TRAF7: variants seen among roughly 807,000 people sequenced by gnomAD.
TRAF7 encodes E3 ubiquitin-protein ligase TRAF7.
TRAF7 carries 45 observed loss-of-function variants against 89.3 expected under a neutral mutation model. The observed-to-expected ratio is 0.50, with a 90% CI of 0.40 to 0.65. TRAF7 has a LOEUF of 0.65. Among genes scored for constraint, TRAF7 ranks in the 30% least tolerant of loss-of-function variants. TRAF7 has a pLI of 0.00. For missense variants in TRAF7, 677 were observed against 918.1 expected (o/e 0.74, Z 3.39); for synonymous variants, 406 against 369.2 (o/e 1.10, Z -1.14).
At position 2,165,611 on chromosome 16, in the gene TRAF7, T is replaced by C. The variant is rs9929830; in HGVS notation, c.82-268T>C. Among the ~76,000 whole-genome samples the C allele has an allele frequency of 6.6e-3, 416 of 63,386 alleles. 2 individuals are homozygous for C. The highest frequency in any genetic ancestry group is 0.029 in the Middle Eastern group (2 of 70). The allele number at this position is 63,386 out of a possible 152,430, so 41.6% of individuals were successfully genotyped here. On this transcript the variant is annotated intron_variant, in intron 2 of 20. Transcript: ENST00000326181. ...CGCATGGTTAAGCGTGTGAGTGCTG[T>C]GTGGCGCAGCCTGGTCGCATGGTTA...
At chr16:2,176,532 TC>T (rs1567254452) in intron 20 of TRAF7, 27 bp from the exon 21 acceptor site, 1 of 1,613,092 alleles carries the variant, frequency 6.2e-7, no homozygotes, top group South Asian at 1.1e-5. Flanking sequence ...CCGCAGGACA[TC>T]CTGGTGAAGC....
chr16:2,172,193 A>C lies in TRAF7; in HGVS notation c.478A>C (p.Lys160Gln). The C allele has an allele frequency of 1.2e-6, 2 of 1,612,980 alleles. No individual in the cohort carries two copies. The highest frequency in any genetic ancestry group is 1.7e-6 in the Non-Finnish European group (2 of 1,179,940). Reference sequence around the variant, plus strand: ...GTCAGCACGCCCTCCTCTCCCAGAGAAGTGTCCCGTGGACAACGTCAAACT... The same window carrying C: ...GTCAGCACGCCCTCCTCTCCCAGAGCAGTGTCCCGTGGACAACGTCAAACT... ...FCRRCALKSE[K>Q]CPVDNVKLTV... is the part of the protein sequence containing the mutation. Residue 160 changes from lysine (K) to glutamine (Q), a missense_variant and splice_region_variant, in exon 8 of 21, where the codon AAG (lysine) becomes CAG (glutamine). Coordinates refer to ENST00000326181, the MANE Select transcript of TRAF7 (RefSeq NM_032271.3).
chr16:2,175,158 G>A lies in TRAF7; in HGVS notation c.1386+8G>A, dbSNP rs763207866. 2 of 1,613,644 alleles carry A rather than the reference G, an allele frequency of 1.2e-6. No homozygotes were observed. The highest frequency in any genetic ancestry group is 2.2e-5 in the South Asian group (2 of 91,080). On this transcript the variant is annotated splice_region_variant and intron_variant, in intron 15 of 20. Transcript: ENST00000326181. ...GCAGACTGCACCATCATTGTGAGTG[G>A]GGCCTACAGGCGGGTGGGCAGGAGG...
At chr16:2,164,445 T>A (rs2093073670) in intron 2 of TRAF7, among the ~76,000 whole-genome samples, 1 of 138,268 alleles carries the variant, frequency 7.2e-6, no homozygotes, top group Non-Finnish European at 1.6e-5. Context: ...GGTCGCATGG[T>A]TAAGCGTGTT....
rs2141299318 is a variant in TRAF7 at position 2,176,359 on chromosome 16, CAG to C, written c.1974_1975del (p.Ala660CysfsTer3). On this transcript the variant is annotated frameshift_variant, in exon 20 of 21. Transcript: ENST00000326181. LOFTEE classifies it high-confidence loss of function. ...GCTGTGTCCCGGGGCCGACTCTTCT[CAG>C]GGGCTGTGGATAGCACTGTGAAGGT... 1 of 1,606,800 alleles carries C rather than the reference CAG, an allele frequency of 6.2e-7. No homozygotes were observed.
chr16:2,170,066 C>T (rs942080865), intron 4 of TRAF7, among the ~76,000 whole-genome samples: 3 of 152,192 alleles, frequency 2.0e-5, no homozygotes, highest in African/African-American at 2.4e-5. Flanking sequence ...CTCCTGCCCT[C>T]GGGAAGCTCA....
intron 6 of TRAF7, 64 bp downstream of exon 6, chr16:2,171,420 C>G: frequency 6.5e-7 from 1 of 1,531,748 alleles, no homozygotes; most frequent in Non-Finnish European, 8.8e-7. Context: ...CCAGGGCTCT[C>G]GGGGGCCGGG....
chr16:2,160,851 G>T (rs973116251), intron 1 of TRAF7, among the ~76,000 whole-genome samples: 1 of 152,030 alleles, frequency 6.6e-6, no homozygotes, highest in Admixed American at 6.5e-5. Context: ...CTCTCCCTCT[G>T]GGGGGCCAGG....
chr16:2,171,685 C>A lies in TRAF7; in HGVS notation c.475+80C>A, dbSNP rs763836998. 78 of 1,601,832 alleles carry A rather than the reference C, an allele frequency of 4.9e-5. 1 individual carries two copies. The highest frequency in any genetic ancestry group is 5.9e-5 in the Non-Finnish European group (69 of 1,171,862). On this transcript the variant is annotated intron_variant, in intron 7 of 20. Transcript: ENST00000326181. The stretch of plus-strand genomic sequence containing the variant: ...CAGAGGCGGGCGGCTTCTCCCTTGT[C>A]CCCTGCACAGCGTCCGGCCCTGTTT...
chr16:2,174,613 TA>T (rs1174701512), intron 14 of TRAF7, among the ~76,000 whole-genome samples: 5 of 151,974 alleles, frequency 3.3e-5, no homozygotes, highest in East Asian at 1.9e-4. Flanking sequence ...AACCAGAAGA[TA>T]GGGGGGACCT....
intron 3 of TRAF7, 145 bp from the exon 4 acceptor site, chr16:2,167,932 C>T (rs1183242092): frequency 1.5e-6 from 1 of 671,146 alleles, no homozygotes; most frequent in East Asian, 2.7e-5. Context: ...CCCGTGCCAT[C>T]CCTGCATGCT....
Position 2,171,263 on chromosome 16 carries a change from G to A in TRAF7, c.349-1G>A. On this transcript the variant is annotated splice_acceptor_variant, in intron 5 of 20. Transcript: ENST00000326181. LOFTEE classifies it high-confidence loss of function. ...CGCCTGCCTTTCCCGCTTGGTTCCA[G>A]GAGCCACTGGTGTTTGCGGAGCAGC... The A allele has an allele frequency of 1.9e-6, 3 of 1,546,014 alleles. No homozygotes were observed. The highest frequency in any genetic ancestry group is 2.6e-6 in the Non-Finnish European group (3 of 1,145,986).
At chr16:2,174,168 G>A in intron 13 of TRAF7, 83 bp from the exon 14 acceptor site, 1 of 1,594,496 alleles carries the variant, frequency 6.3e-7, no homozygotes, top group Non-Finnish European at 8.6e-7. Context: ...CCATGGGCGG[G>A]GCTCCCTCAC....
intron 17 of TRAF7, 99 bp from the exon 18 acceptor site, chr16:2,175,735 G>T: frequency 3.8e-6 from 6 of 1,589,132 alleles, no homozygotes; most frequent in South Asian, 1.1e-5. Context: ...CCCCTGGCTG[G>T]GTGGGTGGGC....
rs1273911882 is a variant in TRAF7, at chr16:2,162,206, TG to T, written c.-38-1675del. Among the ~76,000 whole-genome samples, 1 of 152,032 alleles carries T rather than the reference TG, an allele frequency of 6.6e-6. No individual in the cohort carries two copies. The highest frequency in any genetic ancestry group is 1.9e-4 in the East Asian group (1 of 5,170). On this transcript the variant is annotated intron_variant, in intron 1 of 20. Transcript: ENST00000326181. This position sits in a 1 kb window ranked among gnomAD's most constrained non-coding sequence, Gnocchi z 5.0. ...GCTCCAGGGTGGGTGGCCTTCCAGG[TG>T]GCATTGGAAGGGACAGGTGGGCCTG...
intron 3 of TRAF7, among the ~76,000 whole-genome samples, chr16:2,167,619 T>G (rs2093091729): frequency 6.6e-6 from 1 of 152,042 alleles, no homozygotes; most frequent in Non-Finnish European, 1.5e-5. Context: ...AGCTTCCCCC[T>G]CTGTGAGTGG....
Position 2,175,312 on chromosome 16 carries a change from C to A in TRAF7, c.1398C>A (p.Ile466=). The part of the protein sequence containing the change: ...SADCTIIVWD[I]QNLQKVNTIR... ...CCTTCCCCAATCAGGTGTGGGACAT[C>A]CAGAACCTGCAGAAGGTGAACACCA... The change falls in exon 16 of 21, where the codon ATC becomes ATA. Residue 466 remains isoleucine, a synonymous_variant. Coordinates refer to ENST00000326181, the MANE Select transcript of TRAF7 (RefSeq NM_032271.3). The A allele has an allele frequency of 1.2e-6, 2 of 1,613,418 alleles. No individual in the cohort carries two copies. Among genetic ancestry groups the A allele is most frequent in the African/African-American group, 1.3e-5 (1 of 75,044 alleles).
intron 2 of TRAF7, among the ~76,000 whole-genome samples, chr16:2,165,184 T>G (rs538502786): frequency 8.3e-5 from 11 of 132,758 alleles, no homozygotes; most frequent in South Asian, 5.0e-4. Flanking sequence ...GTCGCATGGT[T>G]AAGCGTGTGA....
At position 2,172,341 on chromosome 16, in the gene TRAF7, G is replaced by A; in HGVS notation, c.626G>A (p.Gly209Glu). 1 of 1,612,268 alleles carries A rather than the reference G, an allele frequency of 6.2e-7. No individual in the cohort carries two copies. Among genetic ancestry groups the A allele is most frequent in the South Asian group, 1.1e-5 (1 of 91,058 alleles). ...CCCATCTTTGAGGTGGACCCCCGAG[G>A]GTGCCCCTTCACCATCAAGCTCAGC... ...KPPIFEVDPR[G>E]CPFTIKLSAR... The change falls in exon 8 of 21, where the codon GGG becomes GAG. Residue 209 changes from glycine to glutamate, a missense_variant. This residue lies in a region of TRAF7 where 238 missense variants were observed against 352.6 expected (regional missense o/e 0.67). Coordinates refer to ENST00000326181, the MANE Select transcript of TRAF7 (RefSeq NM_032271.3).
Sources: allele counts gnomAD v4.1 joint callset (sites outside exome capture counted in the v4.1 genomes callset), GRCh38; gene constraint gnomAD v4.1.1; regional missense constraint gnomAD v4.1.1; non-coding constraint Gnocchi (gnomAD v3.1); transcripts MANE v1.5; gene names NCBI Gene and HGNC (gene_info 2026-07-23, HGNC 2026-07-21).